DPYD: variants seen among roughly 807,000 people sequenced by gnomAD.
DPYD encodes dihydropyrimidine dehydrogenase [NADP(+)].
A neutral mutation model predicts 116.2 loss-of-function variants in DPYD; 109 were observed. That is an observed-to-expected ratio of 0.94 (90% CI 0.80 to 1.10). DPYD has a LOEUF of 1.10. DPYD is among the 50% of genes least tolerant of loss of function. The pLI is 0.00. For missense variants in DPYD, 1,302 were observed against 1,254.5 expected, an observed-to-expected ratio of 1.04 and a Z score of -0.57; for synonymous variants, 440 against 432.0, an observed-to-expected ratio of 1.02 and a Z score of -0.23.
chr1:97,390,285 T>C (rs1672623685), intron 14 of DPYD, among the ~76,000 whole-genome samples: 3 of 152,008 alleles, frequency 2.0e-5, no homozygotes. Flanking sequence ...AACTATAAAT[T>C]ACAAGCAGCC....
chr1:97,877,477 T>G (rs1292173475), intron 2 of DPYD, among the ~76,000 whole-genome samples: 3 of 152,048 alleles, frequency 2.0e-5, no homozygotes, highest in Admixed American at 2.0e-4. Flanking sequence ...AGAGGTCACG[T>G]GACTTGCATG....
chr1:97,354,779 G>A (rs999648024), intron 16 of DPYD, among the ~76,000 whole-genome samples: 1 of 152,140 alleles, frequency 6.6e-6, no homozygotes, highest in African/African-American at 2.4e-5. Flanking sequence ...TGTCAAAGGT[G>A]AATTCATTCA....
intron 20 of DPYD, among the ~76,000 whole-genome samples, chr1:97,120,848 A>C (rs1432438724): frequency 1.3e-5 from 2 of 152,208 alleles, no homozygotes; most frequent in Non-Finnish European, 2.9e-5. Context: ...AGTGTTAGTT[A>C]GCTTTGCTAA....
At chr1:97,358,896 C>T (rs771565033) in intron 16 of DPYD, among the ~76,000 whole-genome samples, 1 of 152,064 alleles carries the variant, frequency 6.6e-6, no homozygotes, top group African/African-American at 2.4e-5. Context: ...AATCAGAGTG[C>T]CTCTTCTCCT....
intron 20 of DPYD, among the ~76,000 whole-genome samples, chr1:97,130,863 CTTCCTTCCTTCCTTCCTTCCTTCT>C: frequency 7.3e-6 from 1 of 136,922 alleles, no homozygotes; most frequent in African/African-American, 2.8e-5. Context: ...TCCTTCCTTC[CTTCCTTCCTTCCTTCCTTCCTTCT>C]TTCCTCCCTC....
chr1:97,676,632 G>A (rs911645973), intron 8 of DPYD, among the ~76,000 whole-genome samples: 1 of 152,096 alleles, frequency 6.6e-6, no homozygotes. Flanking sequence ...AAATAAGTGA[G>A]TAATGTTTAA....
chr1:97,497,643 C>A (rs1301970108), intron 13 of DPYD, among the ~76,000 whole-genome samples: 2 of 151,776 alleles, frequency 1.3e-5, no homozygotes, highest in African/African-American at 4.8e-5. Context: ...TTCATACCCA[C>A]TATGAAGTTT....
At chr1:97,421,192 A>G (rs1300591434) in intron 14 of DPYD, among the ~76,000 whole-genome samples, 1 of 152,186 alleles carries the variant, frequency 6.6e-6, no homozygotes. Context: ...TCTGGCAAAT[A>G]TTAACTCTTT....
intron 17 of DPYD, 103 bp downstream of exon 17, chr1:97,306,074 A>G: frequency 6.3e-7 from 1 of 1,585,492 alleles, no homozygotes; most frequent in Non-Finnish European, 8.6e-7. Context: ...AATTGAGACA[A>G]AAAATATGCA....
In DPYD at chr1:97,641,718, C is replaced by T. The variant is rs141749819; in HGVS notation, c.850+37377G>A. On this transcript the variant is annotated intron_variant, in intron 8 of 22. Coordinates refer to ENST00000370192, the MANE Select transcript of DPYD (RefSeq NM_000110.4). The stretch of plus-strand genomic sequence containing the variant: ...ACAAGGATGCCCTCTCTCACCACTC[C>T]TATTCAACACAGTATTGGAAGTTCT... 1.5e-3 allele frequency among the ~76,000 whole-genome samples: 223 copies of T among 152,284 alleles called. 5 individuals are homozygous for T. The East Asian group carries it at 0.035, about 24-fold the overall frequency.
chr1:97,474,283 T>C (rs1677827279), intron 13 of DPYD, among the ~76,000 whole-genome samples: 1 of 152,066 alleles, frequency 6.6e-6, no homozygotes, highest in South Asian at 2.1e-4. Flanking sequence ...AATGTAAATA[T>C]AAATATTAAC....
intron 16 of DPYD, among the ~76,000 whole-genome samples, chr1:97,351,561 T>C (rs1264902135): frequency 6.6e-6 from 1 of 152,060 alleles, no homozygotes; most frequent in Non-Finnish European, 1.5e-5. Context: ...ATAAAGGACA[T>C]GAATACAGAG....
At chr1:97,639,608 T>C (rs942193403) in intron 8 of DPYD, among the ~76,000 whole-genome samples, 1 of 152,156 alleles carries the variant, frequency 6.6e-6, no homozygotes, top group African/African-American at 2.4e-5. Context: ...TGATGTGCTA[T>C]ATCAAATAAT....
rs144512776 is a variant in DPYD, at chr1:97,114,110, T to C, written c.2623-15478A>G. 2.2e-3 allele frequency among the ~76,000 whole-genome samples: 335 copies of C among 152,214 alleles called. 4 individuals carry two copies. The Middle Eastern group carries it at 0.051, about 23-fold the overall frequency. ...ATTTTGGATTATAAAACTTCAAAAT[T>C]TGCCATCATAGAAAAGCAAAGAATA... On this transcript the variant is annotated intron_variant, in intron 20 of 22. Transcript: ENST00000370192.
chr1:97,336,997 A>T (rs137861338), intron 16 of DPYD, among the ~76,000 whole-genome samples: 41 of 152,292 alleles, frequency 2.7e-4, no homozygotes, highest in Admixed American at 8.5e-4. Flanking sequence ...GACTGGTGAC[A>T]CTTCTGATAG....
intron 13 of DPYD, among the ~76,000 whole-genome samples, chr1:97,478,811 C>T (rs958810132): frequency 6.6e-6 from 1 of 152,286 alleles, no homozygotes; most frequent in South Asian, 2.1e-4. Flanking sequence ...ATGTAGTTAC[C>T]TTCATCAGTT....
chr1:97,094,196 A>C lies in DPYD; in HGVS notation c.2766+4293T>G, dbSNP rs59963426. Among the ~76,000 whole-genome samples the C allele has an allele frequency of 4.1e-3, 631 of 152,106 alleles. 19 individuals are homozygous for C. The East Asian group carries it at 0.076, about 18-fold the overall frequency. ...CATTGAAGCTGCTTCTTGGGTCAGG[A>C]AAAGCTAAAATGTGATGGGTCTGAA... On this transcript the variant is annotated intron_variant, in intron 21 of 22. Coordinates refer to ENST00000370192, the MANE Select transcript of DPYD (RefSeq NM_000110.4).
chr1:97,291,434 A>C (rs1309076380), intron 18 of DPYD, among the ~76,000 whole-genome samples: 1 of 151,780 alleles, frequency 6.6e-6, no homozygotes, highest in African/African-American at 2.4e-5. Flanking sequence ...CTTGGAACCA[A>C]CCCAAATGTC....
chr1:97,600,712 A>T (rs543970631), intron 8 of DPYD, among the ~76,000 whole-genome samples: 8 of 152,194 alleles, frequency 5.3e-5, no homozygotes, highest in Non-Finnish European at 1.0e-4. Flanking sequence ...ATGTGAAATA[A>T]ATGTTTCCTT....
Sources: allele counts gnomAD v4.1 joint callset (sites outside exome capture counted in the v4.1 genomes callset), GRCh38; gene constraint gnomAD v4.1.1; transcripts MANE v1.5; gene names NCBI Gene and HGNC (gene_info 2026-07-23, HGNC 2026-07-21).